ZRANB1: variants seen among roughly 807,000 people sequenced by gnomAD.
The protein encoded by ZRANB1 is zinc finger RANBP2-type containing 1.
In ZRANB1, 16 loss-of-function variants were observed where a neutral mutation model predicts 80.5. The ratio of observed to expected loss-of-function variants is 0.20; its 90% CI spans 0.13 to 0.30. The LOEUF is 0.30. Ranked by LOEUF, ZRANB1 falls within the 10% of genes least tolerant of loss-of-function variation. The pLI is 1.00. For missense variants in ZRANB1, 576 were observed against 862.6 expected (o/e 0.67, Z 4.16); for synonymous variants, 291 against 293.1 (o/e 0.99, Z 0.07).
At chr10:124,933,909 A>C in the ZRANB1 span, among the ~76,000 whole-genome samples, 3 of 152,250 alleles carry the variant, frequency 2.0e-5, no homozygotes, top group South Asian at 6.2e-4. Flanking sequence ...CAAGATGAAC[A>C]GAAAGAGCAT....
Position 124,983,770 on chromosome 10 carries a change from A to T in ZRANB1, c.1908+82A>T. The T allele has an allele frequency of 1.1e-6, 1 of 935,264 alleles. No individual in the cohort carries two copies. The highest frequency in any genetic ancestry group is 1.6e-5 in the South Asian group (1 of 61,650). The allele number at this position is 935,264 out of a possible 1,614,324, so 57.9% of individuals were successfully genotyped here. A position where few individuals can be genotyped will look rare whatever the true frequency, so the allele number is the denominator to read the frequency against. On this transcript the variant is annotated intron_variant, in intron 8 of 8. Coordinates refer to ENST00000359653, the MANE Select transcript of ZRANB1 (RefSeq NM_017580.3). The surrounding 1 kb of genome is among the most constrained non-coding windows in gnomAD (Gnocchi z 6.2). ...TGAAGTGCCTTTCAGGTGTGGTTTT[A>T]TCTGCACTATCACTTAATTTCTGAA...
the ZRANB1 span, among the ~76,000 whole-genome samples, chr10:124,929,483 G>A: frequency 2.0e-5 from 3 of 151,578 alleles, no homozygotes; most frequent in Non-Finnish European, 4.4e-5. Context: ...TTACAGGTGC[G>A]CACCACCACA....
At chr10:124,972,702 G>A (rs1406491284) in intron 3 of ZRANB1, among the ~76,000 whole-genome samples, 5 of 151,782 alleles carry the variant, frequency 3.3e-5, no homozygotes, top group African/African-American at 9.7e-5. Context: ...AGTTGGCATT[G>A]AATAAATACA....
At chr10:124,946,399 C>T (rs1193427782) in intron 1 of ZRANB1, 3 of 99,350 alleles carry the variant, frequency 3.0e-5, no homozygotes, top group Non-Finnish European at 6.1e-5. Context: ...GCCTGGGCAA[C>T]AAGAGCAAAA....
chr10:124,962,923 AC>A (rs1174789937), intron 1 of ZRANB1, among the ~76,000 whole-genome samples: 1 of 152,148 alleles, frequency 6.6e-6, no homozygotes, highest in African/African-American at 2.4e-5. Flanking sequence ...GGAGAAAGGG[AC>A]AGAAGGCATA....
chr10:124,962,479 T>TA (rs1951741491), intron 1 of ZRANB1: 1 of 874,208 alleles, frequency 1.1e-6, no homozygotes, highest in Admixed American at 6.2e-5. Flanking sequence ...TTTTATGTCA[T>TA]AAAGGAAAAT....
At chr10:124,925,279 T>G in the ZRANB1 span, among the ~76,000 whole-genome samples, 1 of 149,884 alleles carries the variant, frequency 6.7e-6, no homozygotes, top group Non-Finnish European at 1.5e-5. Context: ...TTATTGTCTG[T>G]TTTTTTTTTA....
intron 5 of ZRANB1, among the ~76,000 whole-genome samples, chr10:124,978,550 C>T (rs1015715832): frequency 6.6e-6 from 1 of 152,152 alleles, no homozygotes; most frequent in Non-Finnish European, 1.5e-5. Context: ...GACATGCCAA[C>T]CCAATTTCCC....
the ZRANB1 span, among the ~76,000 whole-genome samples, chr10:124,924,794 G>C: frequency 6.6e-6 from 1 of 152,048 alleles, no homozygotes; most frequent in Non-Finnish European, 1.5e-5. Context: ...TCAGATGTAA[G>C]TTTTTACTTC....
At chr10:124,925,953 GT>G in the ZRANB1 span, among the ~76,000 whole-genome samples, 1 of 152,168 alleles carries the variant, frequency 6.6e-6, no homozygotes, top group African/African-American at 2.4e-5. Context: ...TAGGCCATGG[GT>G]TATAGCCTGT....
chr10:124,953,114 T>C (rs1951656149), intron 1 of ZRANB1, among the ~76,000 whole-genome samples: 1 of 137,728 alleles, frequency 7.3e-6, no homozygotes, highest in Non-Finnish European at 1.6e-5. Flanking sequence ...TTTTTTTAAG[T>C]AGAGACAGGG....
chr10:124,968,225 A>G (rs182509086), intron 2 of ZRANB1, among the ~76,000 whole-genome samples: 1 of 152,304 alleles, frequency 6.6e-6, no homozygotes, highest in African/African-American at 2.4e-5. Context: ...GGTAAGAGAA[A>G]TAGAGTAAAA....
upstream of ZRANB1, among the ~76,000 whole-genome samples, chr10:124,939,049 C>A (rs1232885227): frequency 1.3e-5 from 2 of 151,946 alleles, no homozygotes; most frequent in Non-Finnish European, 2.9e-5. Context: ...TGGTGGGATG[C>A]GCCTGTGGTC....
intron 1 of ZRANB1, among the ~76,000 whole-genome samples, chr10:124,949,370 A>C (rs1951612106): frequency 6.6e-6 from 1 of 151,916 alleles, no homozygotes; most frequent in Non-Finnish European, 1.5e-5. Flanking sequence ...AGGGGGAAAA[A>C]AATCAAACTT....
rs1589858249 is a variant in ZRANB1, at chr10:124,983,398, G to A, written c.1679-61G>A. The A allele has an allele frequency of 1.9e-6, 3 of 1,591,362 alleles. No homozygotes were observed. In the East Asian group the frequency reaches 6.7e-5, roughly 36 times the overall value. On this transcript the variant is annotated intron_variant, in intron 7 of 8. Transcript: ENST00000359653. This position sits in a 1 kb window ranked among gnomAD's most constrained non-coding sequence, Gnocchi z 6.2. ...AGTGGACAGGGGAATGTGAACAAGG[G>A]CAGTGAGGGAGTGGCTCTTTCTTCC...
At chr10:124,962,809 G>A (rs1247901059) in intron 1 of ZRANB1, among the ~76,000 whole-genome samples, 1 of 152,108 alleles carries the variant, frequency 6.6e-6, no homozygotes, top group Non-Finnish European at 1.5e-5. Context: ...TAGGCTAATT[G>A]TGCATTTCAT....
intron 1 of ZRANB1, among the ~76,000 whole-genome samples, chr10:124,951,668 C>T (rs140012749): frequency 3.7e-4 from 56 of 152,220 alleles, no homozygotes; most frequent in Non-Finnish European, 7.6e-4. Context: ...TTTAAAAACA[C>T]ACCATCTGCT....
chr10:124,973,366 A>C (rs1564965451), intron 3 of ZRANB1, among the ~76,000 whole-genome samples: 1 of 151,990 alleles, frequency 6.6e-6, no homozygotes. Flanking sequence ...CGTGTTGCCC[A>C]GGCTGGGCTC....
At chr10:124,933,466 A>G in the ZRANB1 span, among the ~76,000 whole-genome samples, 1 of 152,302 alleles carries the variant, frequency 6.6e-6, no homozygotes, top group Non-Finnish European at 1.5e-5. Context: ...ATGAAGTAGC[A>G]TGTTCATAGT....
Sources: allele counts gnomAD v4.1 joint callset (sites outside exome capture counted in the v4.1 genomes callset), GRCh38; gene constraint gnomAD v4.1.1; non-coding constraint Gnocchi (gnomAD v3.1); transcripts MANE v1.5; gene names NCBI Gene and HGNC (gene_info 2026-07-23, HGNC 2026-07-21).